PATJ: variants seen among roughly 807,000 people sequenced by gnomAD.
PATJ encodes PATJ crumbs cell polarity complex component, also known as inaD-like protein.
PATJ carries 190 observed loss-of-function variants against 224.9 expected under a neutral mutation model. The observed-to-expected ratio is 0.84, with a 90% CI of 0.75 to 0.95. The LOEUF (loss-of-function observed/expected upper bound fraction) is 0.95. Ranked by LOEUF, PATJ falls within the 40% of genes least tolerant of loss-of-function variation. The pLI is 0.00. For missense variants in PATJ, 2,121 were observed against 2,270.3 expected (o/e 0.93, Z 1.34); for synonymous variants, 769 against 820.3 (o/e 0.94, Z 1.07).
In PATJ at chr1:62,084,504, T is replaced by C; in HGVS notation, c.4244-11T>C. On this transcript the variant is annotated splice_polypyrimidine_tract_variant and intron_variant, in intron 32 of 43. Coordinates refer to ENST00000642238, the MANE Select transcript of PATJ (RefSeq NM_001350145.3). ...TACATGCCAGTCATGCTGTGTTCAATTCTTTTCCAGGTGGTTTCCAGGCTC... is the reference window on the plus strand; with the variant it reads ...TACATGCCAGTCATGCTGTGTTCAACTCTTTTCCAGGTGGTTTCCAGGCTC... The C allele has an allele frequency of 6.2e-7, 1 of 1,608,264 alleles. No individual in the cohort carries two copies. The highest frequency in any genetic ancestry group is 1.3e-5 in the African/African-American group (1 of 74,766).
At chr1:62,154,864 G>A (rs11207913) in intron 43 of PATJ, among the ~76,000 whole-genome samples, 288 of 152,218 alleles carry the variant, frequency 1.9e-3, no homozygotes, top group African/African-American at 6.5e-3. Context: ...ACCACATTGA[G>A]CAGCTGCACA....
In PATJ at chr1:61,778,984, C is replaced by T. The variant is rs1017806278; in HGVS notation, c.849+3650C>T. Among the ~76,000 whole-genome samples, 60 of 152,140 alleles carry T rather than the reference C, an allele frequency of 3.9e-4. 1 individual carries two copies. The highest frequency in any genetic ancestry group is 3.4e-3 in the Middle Eastern group (1 of 294). On this transcript the variant is annotated intron_variant, in intron 7 of 43. Transcript: ENST00000642238. ...AAAGTGCTAGGATTACAGGTGTGAG[C>T]CATCAAGCCTGGCGAATATTTTTTG...
intron 43 of PATJ, 70 bp from the exon 44 acceptor site, chr1:62,160,838 A>G (rs1272701660): frequency 2.0e-6 from 3 of 1,517,002 alleles, no homozygotes; most frequent in Non-Finnish European, 2.7e-6. Context: ...CAGATGTTAG[A>G]GGTTTTAATA....
chr1:62,053,175 A>C (rs1653939439), intron 31 of PATJ, among the ~76,000 whole-genome samples: 1 of 152,196 alleles, frequency 6.6e-6, no homozygotes, highest in East Asian at 1.9e-4. Flanking sequence ...TGGAGGCCTG[A>C]GGGTCATTTT....
At chr1:62,112,160 C>A (rs1043749476) in intron 34 of PATJ, among the ~76,000 whole-genome samples, 1 of 152,110 alleles carries the variant, frequency 6.6e-6, no homozygotes, top group African/African-American at 2.4e-5. Flanking sequence ...TCTCCTTTCC[C>A]GTAACCATTC....
At chr1:61,754,661 C>T (rs1345600394) in intron 1 of PATJ, among the ~76,000 whole-genome samples, 2 of 151,708 alleles carry the variant, frequency 1.3e-5, no homozygotes, top group African/African-American at 2.4e-5. Context: ...CGTGCCTGGC[C>T]TTATATACTC....
intron 31 of PATJ, among the ~76,000 whole-genome samples, chr1:62,069,782 C>A (rs1232294905): frequency 6.6e-6 from 1 of 152,170 alleles, no homozygotes; most frequent in Non-Finnish European, 1.5e-5. Flanking sequence ...AAGGGCTCCT[C>A]TGTTTTTCTT....
intron 36 of PATJ, 48 bp downstream of exon 36, chr1:62,116,727 G>C: frequency 6.4e-7 from 1 of 1,561,988 alleles, no homozygotes; most frequent in Non-Finnish European, 8.7e-7. Flanking sequence ...CTGAAGTCCA[G>C]TGGGAACTGT....
chr1:61,805,602 G>C, intron 13 of PATJ, 78 bp downstream of exon 13: 1 of 882,920 alleles, frequency 1.1e-6, no homozygotes, highest in Non-Finnish European at 1.8e-6. Context: ...CCAAAGAAAT[G>C]GGTGAGTCAA....
intron 7 of PATJ, among the ~76,000 whole-genome samples, chr1:61,784,370 G>A (rs1169626359): frequency 6.6e-6 from 1 of 152,176 alleles, no homozygotes; most frequent in Admixed American, 6.6e-5. Flanking sequence ...TCAATAAAAT[G>A]CAGACTGGGG....
intron 31 of PATJ, among the ~76,000 whole-genome samples, chr1:62,074,271 T>C (rs976957195): frequency 2.0e-5 from 3 of 151,408 alleles, no homozygotes; most frequent in Non-Finnish European, 4.4e-5. Flanking sequence ...GACAAGTTAA[T>C]GGGTGCAGCA....
At chr1:62,057,867 G>C (rs530752220) in intron 31 of PATJ, among the ~76,000 whole-genome samples, 1 of 152,194 alleles carries the variant, frequency 6.6e-6, no homozygotes, top group Admixed American at 6.5e-5. Flanking sequence ...TGTTAGAATT[G>C]CCCTGGACAG....
At chr1:61,976,813 T>C (rs1644160740) in intron 27 of PATJ, among the ~76,000 whole-genome samples, 1 of 152,064 alleles carries the variant, frequency 6.6e-6, no homozygotes, top group Non-Finnish European at 1.5e-5. Flanking sequence ...ATTACCAAGA[T>C]TTTACTATAC....
intron 13 of PATJ, among the ~76,000 whole-genome samples, chr1:61,806,573 C>T (rs1653602192): frequency 6.7e-6 from 1 of 149,340 alleles, no homozygotes; most frequent in Admixed American, 6.7e-5. Flanking sequence ...GAGCGGAGAT[C>T]ATGCCACTGC....
intron 42 of PATJ, among the ~76,000 whole-genome samples, 153 bp from the exon 43 acceptor site, chr1:62,153,201 ATAAC>A (rs1213453374): frequency 6.6e-6 from 1 of 152,226 alleles, no homozygotes; most frequent in African/African-American, 2.4e-5. Context: ...AAGTTAGAAA[ATAAC>A]TTTCTAGATT....
intron 25 of PATJ, among the ~76,000 whole-genome samples, chr1:61,909,374 T>C (rs1051143485): frequency 6.6e-6 from 1 of 152,254 alleles, no homozygotes; most frequent in African/African-American, 2.4e-5. Flanking sequence ...TATACTACAA[T>C]GTGCAACAGA....
At chr1:61,879,787 TG>T (rs1667833937) in intron 21 of PATJ, among the ~76,000 whole-genome samples, 1 of 152,046 alleles carries the variant, frequency 6.6e-6, no homozygotes, top group Non-Finnish European at 1.5e-5. Flanking sequence ...CAGATTTTTA[TG>T]GGACTGATTC....
At chr1:61,898,874 C>T (rs1054639679) in intron 22 of PATJ, among the ~76,000 whole-genome samples, 1 of 152,142 alleles carries the variant, frequency 6.6e-6, no homozygotes, top group Non-Finnish European at 1.5e-5. Flanking sequence ...GCACTCTTGA[C>T]CTTCCAGGAT....
Position 61,823,085 on chromosome 1 carries a change from A to G in PATJ, c.1818+6A>G, listed in dbSNP as rs747209221. Reference sequence around the variant, plus strand: ...CAGAAGATGAGCTGCTTGAGGTAAAATTTATGGGGAAAGAAAGACACAGGC... The same window carrying G: ...CAGAAGATGAGCTGCTTGAGGTAAAGTTTATGGGGAAAGAAAGACACAGGC... On this transcript the variant is annotated splice_donor_region_variant and intron_variant, in intron 15 of 43. Coordinates refer to ENST00000642238, the MANE Select transcript of PATJ (RefSeq NM_001350145.3). 2 of 1,613,554 alleles carry G rather than the reference A, an allele frequency of 1.2e-6. No individual in the cohort carries two copies. The highest frequency in any genetic ancestry group is 1.7e-6 in the Non-Finnish European group (2 of 1,179,862).
Sources: gnomAD v4.1 joint callset for allele counts (sites outside exome capture counted in the v4.1 genomes callset) on GRCh38, gnomAD v4.1.1 for gene constraint, MANE v1.5 for transcripts, NCBI Gene and HGNC (gene_info 2026-07-23, HGNC 2026-07-21) for gene names.